The following SREBF1 variants were observed in gnomAD, a reference collection of about 807,000 sequenced individuals.
SREBF1 encodes the protein sterol regulatory element-binding protein 1.
In SREBF1, 45 loss-of-function variants were observed where a neutral mutation model predicts 100.1. That is an observed-to-expected ratio of 0.45 (90% CI 0.35 to 0.58). The LOEUF is 0.58. Among genes scored for constraint, SREBF1 ranks in the 20% least tolerant of loss-of-function variants. SREBF1 has a pLI of 0.00. For missense variants in SREBF1, 1,324 were observed against 1,539.4 expected, an observed-to-expected ratio of 0.86 and a Z score of 2.34; for synonymous variants, 657 against 681.8, an observed-to-expected ratio of 0.96 and a Z score of 0.57.
chr17:17,814,275 A>C lies in SREBF1; in HGVS notation c.2871T>G (p.Ala957=), dbSNP rs766989166. The C allele has an allele frequency of 6.2e-6, 10 of 1,605,404 alleles. No individual in the cohort carries two copies. The highest frequency in any genetic ancestry group is 8.5e-6 in the Non-Finnish European group (10 of 1,177,120). The change falls in exon 16 of 19, where the codon GCT becomes GCG. Residue 957 remains alanine (A), a synonymous_variant. Coordinates refer to ENST00000261646, the MANE Select transcript of SREBF1 (RefSeq NM_004176.5). ...CAATGGAGCTGCTGGCTGGTGTGGT[A>C]GCCAGGCTGTCCTGCAGGTACCCAC... ...KASGYLQDSL[A]TTPASSSIDK...
Position 17,814,788 on chromosome 17 carries a change from G to A in SREBF1, c.2603-41C>T, listed in dbSNP as rs760943096. On this transcript the variant is annotated intron_variant, in intron 14 of 18. Coordinates refer to ENST00000261646, the MANE Select transcript of SREBF1 (RefSeq NM_004176.5). ...GGTCCCCTGAACCCTCAGTCACGCT[G>A]CACGGGGGAGCTGAGAAGGGAGCCA... 23 of 1,609,798 alleles carry A rather than the reference G, an allele frequency of 1.4e-5. No homozygotes were observed. The African/African-American group carries it at 2.0e-4, about 14-fold the overall frequency.
intron 1 of SREBF1, among the ~76,000 whole-genome samples, chr17:17,832,997 A>C (rs971133192): frequency 6.6e-6 from 1 of 152,066 alleles, no homozygotes; most frequent in Admixed American, 6.6e-5. Context: ...TATAAAGATA[A>C]AACAACCTAG....
At position 17,818,361 on chromosome 17, in the gene SREBF1, G is replaced by C; in HGVS notation, c.1082C>G (p.Ala361Gly). ...VGTEAKLNKSAVLRKAIDYIR... is the reference protein window; with the variant it reads ...VGTEAKLNKSGVLRKAIDYIR... ...GTAGTCGATGGCCTTGCGCAAGACA[G>C]CAGATTTATTCAGCTGCACGGTGTG... The change falls in exon 6 of 19, where the codon GCT (alanine) becomes GGT (glycine). Residue 361 changes from alanine to glycine, a missense_variant. Ala to Gly is a moderately conservative substitution (Grantham distance 60). Transcript: ENST00000261646. 6.2e-7 allele frequency: 1 copy of C among 1,613,520 alleles called. No individual in the cohort carries two copies. Among genetic ancestry groups the C allele is most frequent in the Non-Finnish European group, 8.5e-7 (1 of 1,179,918 alleles).
intron 18 of SREBF1, chr17:17,813,070 G>T: frequency 1.7e-6 from 1 of 602,186 alleles, no homozygotes; most frequent in Non-Finnish European, 2.9e-6. Context: ...ACAAATGACA[G>T]TCACCCCACT....
In SREBF1 at chr17:17,815,990, T is replaced by G; in HGVS notation, c.2253A>C (p.Ala751=). The G allele has an allele frequency of 6.2e-7, 1 of 1,612,774 alleles. No homozygotes were observed. Among genetic ancestry groups the G allele is most frequent in the Non-Finnish European group, 8.5e-7 (1 of 1,179,904 alleles). ...TGGCAGGAGGCACTGAGCCACTCTG[T>G]GCCAGGCAGGCCTGGCGGGCACTGC... ...FLSSARQACL[A]QSGSVPPAMQ... is the part of the protein sequence containing the mutation. Residue 751 remains alanine, a synonymous_variant, in exon 12 of 19, where the codon GCA becomes GCC. Coordinates refer to ENST00000261646, the MANE Select transcript of SREBF1 (RefSeq NM_004176.5).
chr17:17,812,948 C>G (rs2033079527), intron 18 of SREBF1, 97 bp from the exon 19 acceptor site: 1 of 1,179,000 alleles, frequency 8.5e-7, no homozygotes, highest in African/African-American at 1.6e-5. Context: ...GCCGCCTGTA[C>G]CTGGCACACA....
intron 6 of SREBF1, 45 bp downstream of exon 6, chr17:17,818,215 G>A (rs770910678): frequency 1.9e-6 from 3 of 1,544,940 alleles, no homozygotes; most frequent in South Asian, 2.2e-5. Context: ...GTGGAGCAAG[G>A]CTAGAGAAGA....
rs924573545 is a variant in SREBF1 at position 17,824,665 on chromosome 17, G to T, written c.92-4144C>A. 6.6e-6 allele frequency among the ~76,000 whole-genome samples: 1 copy of T among 152,154 alleles called. No individual in the cohort carries two copies. Among genetic ancestry groups the T allele is most frequent in the African/African-American group, 2.4e-5 (1 of 41,440 alleles). ...GCCAAGTAGACCACCAGCAAAGCCT[G>T]CCTCTGCCCCAAACTGCAGGCCAGC... On this transcript the variant is annotated intron_variant, in intron 1 of 18. Transcript: ENST00000261646. The surrounding 1 kb of genome is among the most constrained non-coding windows in gnomAD (Gnocchi z 4.2).
chr17:17,815,995 G>A lies in SREBF1; in HGVS notation c.2248C>T (p.Leu750=). ...GGAGGCACTGAGCCACTCTGTGCCA[G>A]GCAGGCCTGGCGGGCACTGCTCAGG... ...FFLSSARQAC[L]AQSGSVPPAM... is the part of the protein sequence containing the mutation. Residue 750 remains leucine (L), a synonymous_variant, in exon 12 of 19, where the codon CTG becomes TTG. Transcript: ENST00000261646. 1.2e-5 allele frequency: 19 copies of A among 1,612,784 alleles called. No individual in the cohort carries two copies. Among genetic ancestry groups the A allele is most frequent in the Non-Finnish European group, 1.6e-5 (19 of 1,179,896 alleles).
At chr17:17,812,881 G>T (rs1232971555) in intron 18 of SREBF1, 30 bp from the exon 19 acceptor site, 39 of 1,462,272 alleles carry the variant, frequency 2.7e-5, no homozygotes, top group Non-Finnish European at 3.3e-5. Context: ...TCAGGGATGG[G>T]TCTCAAGCTG....
chr17:17,827,071 A>C (rs564682293), intron 1 of SREBF1, among the ~76,000 whole-genome samples: 1 of 152,288 alleles, frequency 6.6e-6, no homozygotes, highest in East Asian at 1.9e-4. Context: ...AGGAGGACTG[A>C]ATGATATGAG....
At position 17,830,611 on chromosome 17, in the gene SREBF1, G is replaced by A. The variant is rs115403432; in HGVS notation, c.91+6116C>T. Among the ~76,000 whole-genome samples, 1,488 of 152,334 alleles carry A rather than the reference G, an allele frequency of 9.8e-3. 17 individuals are homozygous for A. Among genetic ancestry groups the A allele is most frequent in the African/African-American group, 0.034 (1,426 of 41,578 alleles). ...AGAGGCAAGGCCTGCTGGGAGACAG[G>A]TGCAGGGACGGGGAGTCAGTTAGGA... is the stretch of plus-strand genomic sequence containing the variant. On this transcript the variant is annotated intron_variant, in intron 1 of 18. Transcript: ENST00000261646.
Position 17,812,513 on chromosome 17 carries a change from G to T in SREBF1, c.*109C>A. Reference sequence around the variant, plus strand: ...AGCAGCCGCAGGTCGAACTGTGGAGGCCAGAGTCTCTTGCACTGCCTTCGG... The same window carrying T: ...AGCAGCCGCAGGTCGAACTGTGGAGTCCAGAGTCTCTTGCACTGCCTTCGG... On this transcript the variant is annotated 3_prime_UTR_variant, in exon 19 of 19. Coordinates refer to ENST00000261646, the MANE Select transcript of SREBF1 (RefSeq NM_004176.5). 8.6e-7 allele frequency: 1 copy of T among 1,161,044 alleles called. No individual in the cohort carries two copies. The highest frequency in any genetic ancestry group is 1.2e-6 in the Non-Finnish European group (1 of 815,836). The allele number at this position is 1,161,044 out of a possible 1,614,324, so 71.9% of individuals were successfully genotyped here.
rs900122232 is a variant in SREBF1 at position 17,824,281 on chromosome 17, T to G, written c.92-3760A>C. Among the ~76,000 whole-genome samples, 14 of 152,100 alleles carry G rather than the reference T, an allele frequency of 9.2e-5. No homozygotes were observed. The highest frequency in any genetic ancestry group is 2.6e-4 in the Admixed American group (4 of 15,270). ...CCCCTCACCACAGCGGGGCTGATGG[T>G]CTGGGATGAGGCCACTCCTGAAAAC... On this transcript the variant is annotated intron_variant, in intron 1 of 18. Transcript: ENST00000261646. This position sits in a 1 kb window ranked among gnomAD's most constrained non-coding sequence, Gnocchi z 4.2.
intron 16 of SREBF1, 96 bp from the exon 17 acceptor site, chr17:17,813,865 C>T: frequency 7.8e-7 from 1 of 1,277,344 alleles, no homozygotes; most frequent in Non-Finnish European, 1.1e-6. Flanking sequence ...CCGGGCTGCA[C>T]TGCCGAGGCA....
Position 17,816,205 on chromosome 17 carries a change from A to ACCCCCGCCACCCCC in SREBF1, c.2214+1_2214+2insGGGGGTGGCGGGGG. The ACCCCCGCCACCCCC allele has an allele frequency of 2.7e-6, 3 of 1,123,420 alleles. No individual in the cohort carries two copies. Among genetic ancestry groups the ACCCCCGCCACCCCC allele is most frequent in the African/African-American group, 2.9e-5 (1 of 34,664 alleles). 69.6% of individuals were successfully genotyped at this position (1,123,420 alleles called of 1,614,324 possible). A position where few individuals can be genotyped will look rare whatever the true frequency, so the allele number is the denominator to read the frequency against. On this transcript the variant is annotated splice_donor_variant, in intron 11 of 18. Coordinates refer to ENST00000261646, the MANE Select transcript of SREBF1 (RefSeq NM_004176.5). LOFTEE classifies it high-confidence loss of function. ...AAGCCCCCAGCCCCCCAACCCACTC[A>ACCCCCGCCACCCCC]CTGTCAGAAAATGCAAGGCCCGTGG...
rs2032974746 is a variant in SREBF1, at chr17:17,812,403, TC to T, written c.*218del. The T allele has an allele frequency of 3.2e-6, 2 of 617,550 alleles. No homozygotes were observed. Among genetic ancestry groups the T allele is most frequent in the Admixed American group, 3.1e-5 (1 of 32,576 alleles). 38.3% of individuals were successfully genotyped at this position (617,550 alleles called of 1,614,324 possible). A position where few individuals can be genotyped will look rare whatever the true frequency, so the allele number is the denominator to read the frequency against. On this transcript the variant is annotated 3_prime_UTR_variant, in exon 19 of 19. Coordinates refer to ENST00000261646, the MANE Select transcript of SREBF1 (RefSeq NM_004176.5). ...TGGCTCGGCCCCTGCAGTGCCCCGATCGGCCACCAGAGGTCAGCACCATCAT... is the reference window on the plus strand; with the variant it reads ...TGGCTCGGCCCCTGCAGTGCCCCGATGGCCACCAGAGGTCAGCACCATCAT...
At position 17,824,465 on chromosome 17, in the gene SREBF1, T is replaced by G. The variant is rs113529790; in HGVS notation, c.92-3944A>C. On this transcript the variant is annotated intron_variant, in intron 1 of 18. Transcript: ENST00000261646. The surrounding 1 kb of genome is among the most constrained non-coding windows in gnomAD (Gnocchi z 4.2). ...CGACCCACTATTCATTGTAGGGCCCTGGGAAGCCAGGAAGGGCTGCAGTCC... is the reference window on the plus strand; with the variant it reads ...CGACCCACTATTCATTGTAGGGCCCGGGGAAGCCAGGAAGGGCTGCAGTCC... Among the ~76,000 whole-genome samples, 581 of 152,222 alleles carry G rather than the reference T, an allele frequency of 3.8e-3. 3 individuals are homozygous for G. The highest frequency in any genetic ancestry group is 0.013 in the African/African-American group (558 of 41,538).
At chr17:17,833,439 A>G (rs2035008105) in intron 1 of SREBF1, among the ~76,000 whole-genome samples, 11 of 125,062 alleles carry the variant, frequency 8.8e-5, no homozygotes, top group Admixed American at 7.3e-4. Context: ...AAAAAAAAAA[A>G]AAAAAAAAAA....
Sources: gnomAD v4.1 joint callset for allele counts (sites outside exome capture counted in the v4.1 genomes callset) on GRCh38, gnomAD v4.1.1 for gene constraint, Gnocchi (gnomAD v3.1) non-coding constraint, MANE v1.5 for transcripts, NCBI Gene and HGNC (gene_info 2026-07-23, HGNC 2026-07-21) for gene names.